SYN3: variants seen among roughly 807,000 people sequenced by gnomAD.
SYN3 encodes the protein synapsin III.
A neutral mutation model predicts 65.8 loss-of-function variants in SYN3; 35 were observed. The ratio of observed to expected loss-of-function variants is 0.53; its 90% CI spans 0.41 to 0.70. The LOEUF is 0.70. Among genes scored for constraint, SYN3 ranks in the 30% least tolerant of loss-of-function variants. The probability of loss-of-function intolerance (pLI) is 0.00; values close to 1 mark genes in which losing one functional copy is unlikely to be tolerated. For synonymous variants in SYN3, 270 were observed against 292.9 expected, an observed-to-expected ratio of 0.92 and a Z score of 0.80; for missense variants, 680 against 749.0, an observed-to-expected ratio of 0.91 and a Z score of 1.08.
intron 2 of SYN3, among the ~76,000 whole-genome samples, chr22:33,001,059 G>A (rs1366378360): frequency 6.6e-6 from 1 of 152,180 alleles, no homozygotes; most frequent in Non-Finnish European, 1.5e-5. Flanking sequence ...CTGTATGTTG[G>A]TGGTAGGAAG....
At chr22:32,901,197 G>A (rs2049750055) in intron 4 of SYN3, among the ~76,000 whole-genome samples, 1 of 152,220 alleles carries the variant, frequency 6.6e-6, no homozygotes, top group Admixed American at 6.5e-5. Flanking sequence ...ACAGTTGCGT[G>A]TGACAAAGTG....
At chr22:32,640,184 T>C (rs1013592225) in intron 6 of SYN3, among the ~76,000 whole-genome samples, 21 of 152,150 alleles carry the variant, frequency 1.4e-4, no homozygotes, top group Admixed American at 5.2e-4. Context: ...AAGCCTTCCT[T>C]GGTACCCCAC....
At chr22:32,758,220 A>G (rs1051601652) in intron 6 of SYN3, among the ~76,000 whole-genome samples, 1 of 152,190 alleles carries the variant, frequency 6.6e-6, no homozygotes, top group Non-Finnish European at 1.5e-5. Context: ...TGTTAGGCAT[A>G]ATTATGACCT....
At chr22:32,722,821 T>A (rs917272883) in intron 6 of SYN3, among the ~76,000 whole-genome samples, 1 of 152,086 alleles carries the variant, frequency 6.6e-6, no homozygotes, top group Non-Finnish European at 1.5e-5. Flanking sequence ...CTGGAGTCCC[T>A]CCCTAGTAAA....
At chr22:32,941,682 G>A (rs1300791098) in intron 3 of SYN3, among the ~76,000 whole-genome samples, 2 of 152,164 alleles carry the variant, frequency 1.3e-5, no homozygotes. Context: ...AAGGGGTAAG[G>A]GAATTCCCTT....
At chr22:32,684,142 C>T (rs1163520841) in intron 6 of SYN3, among the ~76,000 whole-genome samples, 3 of 152,250 alleles carry the variant, frequency 2.0e-5, no homozygotes, top group Non-Finnish European at 2.9e-5. Flanking sequence ...AATGATTGAT[C>T]CAGTGGGGGA....
At chr22:33,019,763 G>T (rs943754547) in intron 1 of SYN3, among the ~76,000 whole-genome samples, 2 of 152,146 alleles carry the variant, frequency 1.3e-5, no homozygotes, top group African/African-American at 4.8e-5. Context: ...GGGACTACAG[G>T]CACGTGCCAC....
At chr22:32,735,220 T>C (rs2061323674) in intron 6 of SYN3, among the ~76,000 whole-genome samples, 1 of 152,214 alleles carries the variant, frequency 6.6e-6, no homozygotes, top group African/African-American at 2.4e-5. Flanking sequence ...AAGCCCCATA[T>C]CTGCATTTCT....
Position 33,006,559 on chromosome 22 carries a change from G to A in SYN3, c.104C>T (p.Pro35Leu), listed in dbSNP as rs757404592. 1 of 1,614,100 alleles carries A rather than the reference G, an allele frequency of 6.2e-7. No individual in the cohort carries two copies. Among genetic ancestry groups the A allele is most frequent in the African/African-American group, 1.3e-5 (1 of 74,950 alleles). The change falls in exon 2 of 14, where the codon CCT (proline) becomes CTT (leucine). Residue 35 changes from proline (P) to leucine (L), a missense_variant. Coordinates refer to ENST00000358763, the MANE Select transcript of SYN3 (RefSeq NM_003490.4). ...CCTCCTCTCCATGGCGGGGGAAGCA[G>A]GTGAGCTGGTGGAGCTATCTGGGCG... The part of the protein sequence containing the change: ...LQRPDSSTSS[P>L]ASPAMERRHP...
At chr22:32,900,461 A>G (rs1328696992) in intron 4 of SYN3, among the ~76,000 whole-genome samples, 1 of 152,262 alleles carries the variant, frequency 6.6e-6, no homozygotes, top group Non-Finnish European at 1.5e-5. Context: ...CATTTATTGA[A>G]TAAATACTCT....
intron 4 of SYN3, among the ~76,000 whole-genome samples, chr22:32,918,077 C>T (rs1236547962): frequency 6.6e-6 from 1 of 152,242 alleles, no homozygotes; most frequent in African/African-American, 2.4e-5. Flanking sequence ...GAAGTCTGTG[C>T]CTGGTGCAAG....
chr22:32,522,213 G>A (rs765026766), intron 12 of SYN3, among the ~76,000 whole-genome samples: 1 of 152,170 alleles, frequency 6.6e-6, no homozygotes, highest in Non-Finnish European at 1.5e-5. Flanking sequence ...CAATGAAAGC[G>A]TTGTTTTTCA....
chr22:32,523,472 AACTG>A (rs2057923512), intron 12 of SYN3, among the ~76,000 whole-genome samples: 1 of 152,132 alleles, frequency 6.6e-6, no homozygotes, highest in Non-Finnish European at 1.5e-5. Context: ...GAGATTGTGC[AACTG>A]TACTCCAGCC....
chr22:32,991,050 C>T (rs1250984541), intron 2 of SYN3, among the ~76,000 whole-genome samples: 3 of 151,966 alleles, frequency 2.0e-5, no homozygotes, highest in Admixed American at 6.6e-5. Context: ...ATTATCTGGA[C>T]GTGGTGCCTG....
At chr22:32,535,247 C>A (rs961727954) in intron 9 of SYN3, among the ~76,000 whole-genome samples, 2 of 152,130 alleles carry the variant, frequency 1.3e-5, no homozygotes, top group Non-Finnish European at 2.9e-5. Flanking sequence ...CATGGGAGAC[C>A]AGGGACCTAC....
chr22:32,570,840 A>G (rs1223256779), intron 7 of SYN3, among the ~76,000 whole-genome samples: 1 of 152,122 alleles, frequency 6.6e-6, no homozygotes, highest in East Asian at 1.9e-4. Flanking sequence ...AGTGACCCAC[A>G]ATGCGTGACA....
intron 6 of SYN3, among the ~76,000 whole-genome samples, chr22:32,597,436 G>A (rs111687128): frequency 5.9e-5 from 9 of 152,046 alleles, no homozygotes; most frequent in African/African-American, 2.2e-4. Flanking sequence ...GGCTGGTCTT[G>A]AACTCCTGAC....
intron 3 of SYN3, among the ~76,000 whole-genome samples, chr22:32,969,547 A>G (rs2051955846): frequency 6.6e-6 from 1 of 152,240 alleles, no homozygotes; most frequent in African/African-American, 2.4e-5. Flanking sequence ...CTTAAAAGGG[A>G]AAAACAAAAG....
chr22:33,015,028 C>T (rs749547693), intron 1 of SYN3: 29 of 173,532 alleles, frequency 1.7e-4, no homozygotes, highest in Non-Finnish European at 2.7e-4. Context: ...TAAAAATCTG[C>T]TGTATCTTGA....
Sources: allele counts gnomAD v4.1 joint callset (sites outside exome capture counted in the v4.1 genomes callset), GRCh38; gene constraint gnomAD v4.1.1; transcripts MANE v1.5; gene names NCBI Gene and HGNC (gene_info 2026-07-23, HGNC 2026-07-21).